Variants in PRMT8 observed in about 807,000 individuals in gnomAD.
PRMT8 encodes protein arginine methyltransferase 8.
A neutral mutation model predicts 47.1 loss-of-function variants in PRMT8; 7 were observed. The ratio of observed to expected loss-of-function variants is 0.15; its 90% CI spans 0.08 to 0.28. The LOEUF is 0.28. PRMT8 is among the 10% of genes least tolerant of loss of function. PRMT8 has a pLI of 1.00. For missense variants in PRMT8, 237 were observed against 505.4 expected (o/e 0.47, Z 5.09); for synonymous variants, 188 against 186.5 (o/e 1.01, Z -0.07).
chr12:3,483,600 T>C (rs1865295107), intron 1 of PRMT8, among the ~76,000 whole-genome samples: 1 of 152,236 alleles, frequency 6.6e-6, no homozygotes, highest in Non-Finnish European at 1.5e-5. Context: ...AGATGAGGAC[T>C]CTGGCTGGCT....
Position 3,388,071 on chromosome 12 carries a change from G to C in PRMT8, c.48+6629G>C, listed in dbSNP as rs555589096. Among the ~76,000 whole-genome samples the C allele has an allele frequency of 8.5e-4, 37 of 43,736 alleles. 1 individual carries two copies. The highest frequency in any genetic ancestry group is 3.6e-3 in the East Asian group (2 of 550). The allele number at this position is 43,736 out of a possible 152,430, so 28.7% of individuals were successfully genotyped here. On this transcript the variant is annotated intron_variant, in intron 1 of 9. Coordinates refer to the PRMT8 transcript ENST00000452611. Reference sequence around the variant, plus strand: ...TTCCTTCCTCCCTCCCTCCCTCCCTGTCTGTCTGTCTTTCTCCCCTTTTTC... The same window carrying C: ...TTCCTTCCTCCCTCCCTCCCTCCCTCTCTGTCTGTCTTTCTCCCCTTTTTC...
At chr12:3,429,733 G>A (rs1160440675) in intron 1 of PRMT8, among the ~76,000 whole-genome samples, 1 of 152,256 alleles carries the variant, frequency 6.6e-6, no homozygotes, top group South Asian at 2.1e-4. Flanking sequence ...GGACTCCCAA[G>A]TGCCAGTTCC....
rs542187713 is a variant in PRMT8 at position 3,536,317 on chromosome 12, C to G, written c.76-4289C>G. ...CCAGGCTGCAGACCAGGGTCTGGGC[C>G]AGTCATTTATTTGTCCCCATGACCT... On this transcript the variant is annotated intron_variant, in intron 1 of 9. Coordinates refer to ENST00000382622, the MANE Select transcript of PRMT8 (RefSeq NM_019854.5). Among the ~76,000 whole-genome samples, 10 of 152,286 alleles carry G rather than the reference C, an allele frequency of 6.6e-5. No homozygotes were observed. The South Asian group carries it at 1.5e-3, about 22-fold the overall frequency.
At chr12:3,560,408 C>T (rs544515614) in intron 4 of PRMT8, among the ~76,000 whole-genome samples, 2 of 152,356 alleles carry the variant, frequency 1.3e-5, no homozygotes, top group Admixed American at 6.5e-5. Context: ...AAGCCACCTG[C>T]GGCAGGCACG....
At chr12:3,574,766 A>C (rs1015530402) in intron 6 of PRMT8, among the ~76,000 whole-genome samples, 3 of 152,246 alleles carry the variant, frequency 2.0e-5, no homozygotes, top group Non-Finnish European at 4.4e-5. Context: ...AATACGTGGC[A>C]GAGCTCAGAT....
chr12:3,540,414 A>G (rs1346964770), intron 1 of PRMT8, among the ~76,000 whole-genome samples, 192 bp from the exon 2 acceptor site: 1 of 152,124 alleles, frequency 6.6e-6, no homozygotes, highest in Admixed American at 6.5e-5. Flanking sequence ...GTGGACTGCC[A>G]TCTCTGGACA....
intron 4 of PRMT8, among the ~76,000 whole-genome samples, chr12:3,555,863 G>GTGGTTGGCTGGA (rs1565440489): frequency 2.8e-4 from 30 of 106,690 alleles, no homozygotes; most frequent in Non-Finnish European, 3.2e-4. Flanking sequence ...TGGGTGGATG[G>GTGGTTGGCTGGA]GACCTGAGGA....
chr12:3,528,386 G>A (rs1474662260), intron 1 of PRMT8, among the ~76,000 whole-genome samples: 1 of 151,630 alleles, frequency 6.6e-6, no homozygotes, highest in African/African-American at 2.4e-5. Context: ...GATCTTTATT[G>A]CCTTGTGTCA....
intron 6 of PRMT8, among the ~76,000 whole-genome samples, chr12:3,573,789 T>C (rs191144842): frequency 9.5e-4 from 144 of 152,346 alleles, no homozygotes; most frequent in Middle Eastern, 6.8e-3. Flanking sequence ...CTCTCTGATA[T>C]TATTTTTTAA....
At chr12:3,414,815 G>A (rs1864468053) in intron 1 of PRMT8, among the ~76,000 whole-genome samples, 1 of 152,012 alleles carries the variant, frequency 6.6e-6, no homozygotes, top group African/African-American at 2.4e-5. Context: ...AGTCTCTGAT[G>A]CTCAGTTGTA....
intron 1 of PRMT8, among the ~76,000 whole-genome samples, chr12:3,483,192 G>C (rs560224212): frequency 3.3e-5 from 5 of 152,196 alleles, no homozygotes; most frequent in African/African-American, 1.2e-4. Flanking sequence ...CACCCGGTCC[G>C]CAGTGGGTAC....
At chr12:3,560,568 G>C (rs977120140) in intron 4 of PRMT8, among the ~76,000 whole-genome samples, 1 of 152,222 alleles carries the variant, frequency 6.6e-6, no homozygotes, top group African/African-American at 2.4e-5. Context: ...AGATTCATTT[G>C]TGAAGGTTGA....
chr12:3,424,992 C>T (rs572778251), intron 1 of PRMT8, among the ~76,000 whole-genome samples: 6 of 152,268 alleles, frequency 3.9e-5, no homozygotes, highest in East Asian at 1.9e-4. Flanking sequence ...CAAGGGTTGG[C>T]GAAGCTGCTC....
intron 1 of PRMT8, among the ~76,000 whole-genome samples, chr12:3,469,883 G>A (rs952679891): frequency 5.3e-5 from 8 of 152,048 alleles, no homozygotes; most frequent in African/African-American, 1.9e-4. Context: ...GAGGCTCTGT[G>A]GGCTTCTGTC....
At chr12:3,482,093 G>T (rs915508698) in intron 1 of PRMT8, among the ~76,000 whole-genome samples, 5 of 152,174 alleles carry the variant, frequency 3.3e-5, no homozygotes, top group African/African-American at 9.7e-5. Flanking sequence ...GGCAAGATTT[G>T]CTCAGAGCCC....
At chr12:3,398,613 C>T (rs1309830279) in intron 1 of PRMT8, among the ~76,000 whole-genome samples, 1 of 152,224 alleles carries the variant, frequency 6.6e-6, no homozygotes, top group Admixed American at 6.5e-5. Flanking sequence ...GATGACTTCA[C>T]TATGCTGCTC....
At chr12:3,457,186 C>T (rs937073684) in intron 1 of PRMT8, among the ~76,000 whole-genome samples, 4 of 152,176 alleles carry the variant, frequency 2.6e-5, no homozygotes, top group African/African-American at 9.7e-5. Flanking sequence ...TGTCCCTGAG[C>T]ACTGCTGGGC....
At chr12:3,533,851 C>T (rs1866073608) in intron 1 of PRMT8, among the ~76,000 whole-genome samples, 1 of 152,240 alleles carries the variant, frequency 6.6e-6, no homozygotes, top group Non-Finnish European at 1.5e-5. Flanking sequence ...TAAGAATGTT[C>T]TTTTTTTCTG....
At chr12:3,551,196 T>A (rs1230822943) in intron 3 of PRMT8, 1 of 151,604 alleles carries the variant, frequency 6.6e-6, no homozygotes, top group East Asian at 2.0e-4. Context: ...CCTCCAAGCC[T>A]GACTTGGAAA....
Sources: allele counts gnomAD v4.1 joint callset (sites outside exome capture counted in the v4.1 genomes callset), GRCh38; gene constraint gnomAD v4.1.1; transcripts MANE v1.5; gene names NCBI Gene and HGNC (gene_info 2026-07-23, HGNC 2026-07-21).